SCAI: variants seen among roughly 807,000 people sequenced by gnomAD.
The protein encoded by SCAI is protein SCAI.
SCAI carries 24 observed loss-of-function variants against 92.2 expected under a neutral mutation model. The ratio of observed to expected loss-of-function variants is 0.26; its 90% CI spans 0.19 to 0.37. The LOEUF (loss-of-function observed/expected upper bound fraction) is 0.37, where lower values mean the gene tolerates loss of function less well. Ranked by LOEUF, SCAI falls within the 10% of genes least tolerant of loss-of-function variation. The pLI, the probability that SCAI is intolerant of heterozygous loss-of-function variation, is 1.00. For missense variants in SCAI, 450 were observed against 736.2 expected, an observed-to-expected ratio of 0.61 and a Z score of 4.50; for synonymous variants, 261 against 258.6, an observed-to-expected ratio of 1.01 and a Z score of -0.09.
chr9:125,108,484 G>GC (rs957453741), intron 2 of SCAI, among the ~76,000 whole-genome samples: 125 of 146,790 alleles, frequency 8.5e-4, no homozygotes, highest in Non-Finnish European at 1.7e-3. Flanking sequence ...CTGCCCCGCC[G>GC]CCCCGTCTGG....
At chr9:124,997,798 C>T (rs1162933131) in intron 13 of SCAI, among the ~76,000 whole-genome samples, 1 of 150,478 alleles carries the variant, frequency 6.6e-6, no homozygotes, top group African/African-American at 2.4e-5. Context: ...ATCGCTTGAA[C>T]CCGGAAGGCA....
chr9:124,998,943 A>G (rs907163078), intron 13 of SCAI, among the ~76,000 whole-genome samples: 50 of 152,018 alleles, frequency 3.3e-4, no homozygotes, highest in African/African-American at 1.2e-3. Context: ...TAGAAAAAAG[A>G]TATTAAATGT....
intron 2 of SCAI, among the ~76,000 whole-genome samples, chr9:125,085,456 C>T (rs1834307535): frequency 6.6e-6 from 1 of 151,736 alleles, no homozygotes; most frequent in African/African-American, 2.4e-5. Context: ...CACTGCACTC[C>T]AGCTCTGGGT....
intron 2 of SCAI, among the ~76,000 whole-genome samples, chr9:125,095,100 A>G (rs894645521): frequency 1.3e-5 from 2 of 152,316 alleles, no homozygotes; most frequent in Admixed American, 1.3e-4. Flanking sequence ...ACCTCTGCAG[A>G]GCTACCTTGC....
chr9:124,963,713 G>A (rs1313262979), intron 17 of SCAI, among the ~76,000 whole-genome samples: 1 of 128,892 alleles, frequency 7.8e-6, no homozygotes, highest in Admixed American at 9.6e-5. Context: ...TCGCGCCACT[G>A]TGCTCCAGCC....
chr9:124,997,869 C>CT (rs1290147007), intron 13 of SCAI, among the ~76,000 whole-genome samples: 36 of 116,826 alleles, frequency 3.1e-4, no homozygotes, highest in South Asian at 5.8e-4. Context: ...GAGTAAAACT[C>CT]TGTCTCAAAA....
At chr9:125,022,108 G>C (rs1388870421) in intron 6 of SCAI, among the ~76,000 whole-genome samples, 1 of 151,726 alleles carries the variant, frequency 6.6e-6, no homozygotes, top group Non-Finnish European at 1.5e-5. Flanking sequence ...ATAATTTCTT[G>C]TCTTGATATA....
At chr9:125,123,166 A>T (rs1418199322) in intron 2 of SCAI, among the ~76,000 whole-genome samples, 1 of 152,174 alleles carries the variant, frequency 6.6e-6, no homozygotes, top group Non-Finnish European at 1.5e-5. Flanking sequence ...GTTCAAGACC[A>T]GCCTGAGAGA....
chr9:125,080,253 GTAAGT>G (rs1040710695), intron 2 of SCAI, among the ~76,000 whole-genome samples: 2 of 151,932 alleles, frequency 1.3e-5, no homozygotes, highest in Non-Finnish European at 2.9e-5. Context: ...ACAGGCTTAA[GTAAGT>G]TATTTCTCCA....
chr9:125,050,529 C>G (rs1039482952), intron 3 of SCAI, among the ~76,000 whole-genome samples: 1 of 152,116 alleles, frequency 6.6e-6, no homozygotes, highest in Non-Finnish European at 1.5e-5. Context: ...ATAAAGACAG[C>G]CCTTTATAAT....
At chr9:124,960,000 G>A (rs1303346131) in intron 17 of SCAI, among the ~76,000 whole-genome samples, 1 of 152,080 alleles carries the variant, frequency 6.6e-6, no homozygotes, top group Non-Finnish European at 1.5e-5. Context: ...AAACATATAT[G>A]TGCATGTGTC....
At position 124,947,618 on chromosome 9, in the gene SCAI, A is replaced by C. The variant is rs1831167685; in HGVS notation, c.*5189T>G. 6.6e-6 allele frequency: 1 copy of C among 152,226 alleles called. No homozygotes were observed. Among genetic ancestry groups the C allele is most frequent in the South Asian group, 2.1e-4 (1 of 4,838 alleles). 9.4% of individuals were successfully genotyped at this position (152,226 alleles called of 1,614,324 possible). On this transcript the variant is annotated 3_prime_UTR_variant, in exon 18 of 18. Coordinates refer to ENST00000336505, the MANE Select transcript of SCAI (RefSeq NM_001144877.3). ...TAATATACACATACTGTATCACTGCATACCAATATATTTACAAATATGTAT... is the reference window on the plus strand; with the variant it reads ...TAATATACACATACTGTATCACTGCCTACCAATATATTTACAAATATGTAT...
intron 17 of SCAI, 63 bp downstream of exon 17, chr9:124,971,307 T>C (rs1831654299): frequency 1.2e-6 from 1 of 868,466 alleles, no homozygotes. Context: ...AGGTAAAATA[T>C]AATACATGGT....
intron 3 of SCAI, among the ~76,000 whole-genome samples, chr9:125,037,245 G>A (rs1445053873): frequency 1.3e-5 from 2 of 150,764 alleles, no homozygotes; most frequent in African/African-American, 4.9e-5. Flanking sequence ...CTCCAGGCCT[G>A]GGCAACAAGA....
In SCAI at chr9:125,075,753, CA is replaced by C. The variant is rs1342571629; in HGVS notation, c.99-19747del. Reference sequence around the variant, plus strand: ...GCTAGTTTTGTATTTTTAGTAGAGACAGGGTTTCACCATGTTGACCAGGCTG... The same window carrying C: ...GCTAGTTTTGTATTTTTAGTAGAGACGGGTTTCACCATGTTGACCAGGCTG... On this transcript the variant is annotated intron_variant, in intron 2 of 17. Coordinates refer to ENST00000336505, the MANE Select transcript of SCAI (RefSeq NM_001144877.3). 2.0e-5 allele frequency among the ~76,000 whole-genome samples: 3 copies of C among 152,166 alleles called. No homozygotes were observed. The East Asian group carries it at 5.8e-4, about 29-fold the overall frequency.
rs1471532759 is a variant in SCAI, at chr9:124,942,772, CA to C, written c.*10034del. 1 of 152,120 alleles carries C rather than the reference CA, an allele frequency of 6.6e-6. No homozygotes were observed. The highest frequency in any genetic ancestry group is 6.6e-5 in the Admixed American group (1 of 15,266). The allele number at this position is 152,120 out of a possible 1,614,324, so 9.4% of individuals were successfully genotyped here. A position where few individuals can be genotyped will look rare whatever the true frequency, so the allele number is the denominator to read the frequency against. On this transcript the variant is annotated 3_prime_UTR_variant, in exon 18 of 18. Coordinates refer to ENST00000336505, the MANE Select transcript of SCAI (RefSeq NM_001144877.3). ...TCTTTAATACACTGACAACAAAAAT[CA>C]AATATTCTCTAATCTCGTTATTCAA...
intron 17 of SCAI, among the ~76,000 whole-genome samples, chr9:124,959,971 C>T (rs1017217461): frequency 6.6e-6 from 1 of 151,754 alleles, no homozygotes; most frequent in Non-Finnish European, 1.5e-5. Flanking sequence ...GTCTTTGCTA[C>T]TGTGAATAGT....
At chr9:125,123,988 C>G (rs1273104128) in intron 2 of SCAI, among the ~76,000 whole-genome samples, 1 of 152,186 alleles carries the variant, frequency 6.6e-6, no homozygotes, top group Non-Finnish European at 1.5e-5. Flanking sequence ...AGAATACAAA[C>G]AGTGGTGCCT....
intron 2 of SCAI, among the ~76,000 whole-genome samples, chr9:125,086,834 C>A (rs1834333193): frequency 6.6e-6 from 1 of 152,184 alleles, no homozygotes; most frequent in Admixed American, 6.5e-5. Context: ...CCTCTTTGTG[C>A]TTCAACTTTC....
Sources: gnomAD v4.1 joint callset for allele counts (sites outside exome capture counted in the v4.1 genomes callset) on GRCh38, gnomAD v4.1.1 for gene constraint, MANE v1.5 for transcripts, NCBI Gene and HGNC (gene_info 2026-07-23, HGNC 2026-07-21) for gene names.